Variants in NLGN1 observed in about 807,000 individuals in gnomAD.
NLGN1 encodes the protein neuroligin 1.
A neutral mutation model predicts 65.5 loss-of-function variants in NLGN1; 12 were observed. The observed-to-expected ratio is 0.18, with a 90% CI of 0.12 to 0.30. The LOEUF (loss-of-function observed/expected upper bound fraction) is 0.30. NLGN1 is among the 10% of genes least tolerant of loss of function. The pLI is 1.00. For missense variants in NLGN1, 750 were observed against 1,007.1 expected (o/e 0.74, Z 3.46); for synonymous variants, 350 against 359.5 (o/e 0.97, Z 0.30).
chr3:173,537,489 T>G (rs1737640025), intron 2 of NLGN1, among the ~76,000 whole-genome samples: 1 of 151,280 alleles, frequency 6.6e-6, no homozygotes. Flanking sequence ...GCTTAGTGTG[T>G]GTGTGTGTGT....
chr3:173,955,948 C>T (rs983992424), intron 4 of NLGN1, among the ~76,000 whole-genome samples: 2 of 151,658 alleles, frequency 1.3e-5, no homozygotes, highest in South Asian at 2.1e-4. Flanking sequence ...TATAGTTTAA[C>T]GTGAAAAAAT....
chr3:173,526,897 C>T (rs1219911388), intron 2 of NLGN1, among the ~76,000 whole-genome samples: 1 of 152,190 alleles, frequency 6.6e-6, no homozygotes, highest in South Asian at 2.1e-4. Flanking sequence ...ACTTCCACTT[C>T]CATCTATACT....
rs183060668 is a variant in NLGN1, at chr3:174,114,988, C to A, written c.647-160327C>A. On this transcript the variant is annotated intron_variant, in intron 4 of 6. Transcript: ENST00000457714. ...AGCCAATAAGGAGCAGCAATTGGAT[C>A]AGAATCTAGATTTTCCAAACTTTGA... 1.7e-3 allele frequency among the ~76,000 whole-genome samples: 265 copies of A among 152,268 alleles called. 1 individual carries two copies. The highest frequency in any genetic ancestry group is 6.0e-3 in the African/African-American group (248 of 41,562).
chr3:174,005,855 T>G (rs1021473470), intron 4 of NLGN1, among the ~76,000 whole-genome samples: 1 of 152,146 alleles, frequency 6.6e-6, no homozygotes, highest in Non-Finnish European at 1.5e-5. Context: ...GTTTTTCCCG[T>G]CTGTATGATG....
chr3:173,769,515 A>G (rs1415265361), intron 3 of NLGN1, among the ~76,000 whole-genome samples: 2 of 152,136 alleles, frequency 1.3e-5, no homozygotes, highest in Admixed American at 1.3e-4. Flanking sequence ...TCCCCTGACA[A>G]CTCATGCATG....
intron 3 of NLGN1, among the ~76,000 whole-genome samples, chr3:173,695,784 G>A (rs1387147433): frequency 6.6e-6 from 1 of 152,160 alleles, no homozygotes; most frequent in Non-Finnish European, 1.5e-5. Context: ...TCTATAAAGT[G>A]TGAAGAATAA....
chr3:173,409,430 ACTAGAAAACGTGTCACTGGCCC>A (rs1342098165), intron 1 of NLGN1, among the ~76,000 whole-genome samples: 13 of 152,310 alleles, frequency 8.5e-5, no homozygotes, highest in Admixed American at 1.3e-4. Flanking sequence ...GTGGAAAAAC[ACTAGAAAACGTGTCACTGGCCC>A]CTAGAAAACG....
chr3:173,486,072 T>A (rs760562896), intron 2 of NLGN1, among the ~76,000 whole-genome samples: 46 of 152,010 alleles, frequency 3.0e-4, no homozygotes, highest in Non-Finnish European at 5.9e-4. Context: ...TGAGATGGAG[T>A]CTCACTCTGC....
chr3:174,083,191 A>G (rs904663543), intron 4 of NLGN1, among the ~76,000 whole-genome samples: 6 of 152,318 alleles, frequency 3.9e-5, no homozygotes, highest in African/African-American at 1.2e-4. Context: ...ATATAAAGCT[A>G]TACAGTGTAG....
At position 173,852,243 on chromosome 3, in the gene NLGN1, C is replaced by T. The variant is rs562404615; in HGVS notation, c.646+44411C>T. On this transcript the variant is annotated intron_variant, in intron 4 of 6. Coordinates refer to ENST00000457714, the Ensembl canonical transcript of NLGN1. ...TGGTAGCGGGCGCCTGTAGTCCCAG[C>T]TACTCGGGAGGCTGAGGCAGGAGAA... 3.0e-3 allele frequency among the ~76,000 whole-genome samples: 447 copies of T among 150,116 alleles called. 3 individuals are homozygous for T. The highest frequency in any genetic ancestry group is 0.01 in the African/African-American group (410 of 40,962).
chr3:173,974,168 G>A (rs1054430393), intron 4 of NLGN1, among the ~76,000 whole-genome samples: 1 of 151,698 alleles, frequency 6.6e-6, no homozygotes, highest in Non-Finnish European at 1.5e-5. Context: ...GATTAAGAAG[G>A]GCTGAAAGAT....
intron 3 of NLGN1, among the ~76,000 whole-genome samples, chr3:173,791,519 T>A: frequency 6.9e-6 from 1 of 144,836 alleles, no homozygotes; most frequent in East Asian, 1.9e-4. Context: ...AAGTTTCTTC[T>A]GTTTTTTTTT....
At chr3:173,605,202 G>A in intron 3 of NLGN1, 111 bp downstream of exon 2, 1 of 864,326 alleles carries the variant, frequency 1.2e-6, no homozygotes, top group East Asian at 2.7e-5. Context: ...TTTCCTGTTG[G>A]CATGTAGACA....
chr3:174,287,754 A>C (rs1254864341), downstream of NLGN1, among the ~76,000 whole-genome samples: 1 of 151,400 alleles, frequency 6.6e-6, no homozygotes, highest in Non-Finnish European at 1.5e-5. Context: ...GGATCTTCTT[A>C]CCAGTCACTG....
chr3:173,781,468 A>T (rs1027909925), intron 3 of NLGN1, among the ~76,000 whole-genome samples: 2 of 152,174 alleles, frequency 1.3e-5, no homozygotes, highest in African/African-American at 4.8e-5. Flanking sequence ...GTTCACTGTT[A>T]TGGATTATCT....
intron 4 of NLGN1, among the ~76,000 whole-genome samples, chr3:173,992,227 A>T (rs575777613): frequency 1.6e-4 from 24 of 152,284 alleles, no homozygotes; most frequent in East Asian, 5.8e-4. Flanking sequence ...ATTCATAAGT[A>T]TACATATATT....
chr3:173,583,468 G>A (rs1215229759), intron 2 of NLGN1, among the ~76,000 whole-genome samples: 2 of 152,178 alleles, frequency 1.3e-5, no homozygotes, highest in African/African-American at 4.8e-5. Flanking sequence ...TAGAAGAAAG[G>A]TCTTTTGACT....
At chr3:174,072,665 A>G (rs1226254915) in intron 4 of NLGN1, among the ~76,000 whole-genome samples, 4 of 152,182 alleles carry the variant, frequency 2.6e-5, no homozygotes, top group Non-Finnish European at 5.9e-5. Flanking sequence ...AGTCCAGAGC[A>G]GGAACAGACC....
chr3:173,414,663 A>G lies in NLGN1; in HGVS notation c.-390+16176A>G, dbSNP rs1172722130. Among the ~76,000 whole-genome samples, 4 of 152,076 alleles carry G rather than the reference A, an allele frequency of 2.6e-5. No homozygotes were observed. In the South Asian group the frequency reaches 6.2e-4, roughly 24 times the overall value. On this transcript the variant is annotated intron_variant, in intron 1 of 6. Coordinates refer to ENST00000457714, the Ensembl canonical transcript of NLGN1. Reference sequence around the variant, plus strand: ...GGAAGGGATCTACAGCAATGTGTCCATTTGTGTTTAATAGTAAAACCCTTG... The same window carrying G: ...GGAAGGGATCTACAGCAATGTGTCCGTTTGTGTTTAATAGTAAAACCCTTG...
Sources: allele counts gnomAD v4.1 joint callset (sites outside exome capture counted in the v4.1 genomes callset), GRCh38; gene constraint gnomAD v4.1.1; transcripts MANE v1.5; gene names NCBI Gene and HGNC (gene_info 2026-07-23, HGNC 2026-07-21).